Variants in BLOC1S3 observed in about 807,000 individuals in gnomAD.
BLOC1S3 encodes biogenesis of lysosomal organelles complex 1 subunit 3.
Under a neutral mutation model 9.1 loss-of-function variants are expected in BLOC1S3, and 7 were observed. The observed-to-expected ratio is 0.77, with a 90% CI of 0.44 to 1.45. The LOEUF is 1.45. Among genes scored for constraint, BLOC1S3 ranks in the 40% most tolerant of loss-of-function variants. BLOC1S3 has a pLI of 0.01. For synonymous variants in BLOC1S3, 145 were observed against 158.4 expected (o/e 0.92, Z 0.64); for missense variants, 307 against 315.2 (o/e 0.97, Z 0.20).
chr19:45,190,191 G>T (rs1853897224), intron 2 of BLOC1S3, among the ~76,000 whole-genome samples: 1 of 151,238 alleles, frequency 6.6e-6, no homozygotes, highest in Admixed American at 6.6e-5. Context: ...GCTGGTGAGA[G>T]ACTCTGATGC....
chr19:45,198,603 A>G (rs536715105), intron 2 of BLOC1S3, among the ~76,000 whole-genome samples: 10 of 151,728 alleles, frequency 6.6e-5, no homozygotes, highest in Admixed American at 4.6e-4. Flanking sequence ...CAACTTCATC[A>G]CTTTCAATAT....
Position 45,206,450 on chromosome 19 carries a change from G to GTTTTTTTTTT in BLOC1S3, n.282+3957_282+3966dup, listed in dbSNP as rs1054281226. 2.9e-4 allele frequency among the ~76,000 whole-genome samples: 16 copies of GTTTTTTTTTT among 55,144 alleles called. 5 individuals carry two copies. Among genetic ancestry groups the GTTTTTTTTTT allele is most frequent in the African/African-American group, 4.7e-4 (5 of 10,620 alleles). 36.2% of individuals were successfully genotyped at this position (55,144 alleles called of 152,430 possible). The stretch of plus-strand genomic sequence containing the variant: ...TTCCACCTTCTTTTGGATTAATCAA[G>GTTTTTTTTTT]TTTTTTTTTTTTTTTTTTTTTTTGA... On this transcript the variant is annotated intron_variant and non_coding_transcript_variant, in intron 3 of 3. Transcript: ENST00000591569.
intron 3 of BLOC1S3, among the ~76,000 whole-genome samples, chr19:45,209,047 T>C (rs1466500169): frequency 1.2e-5 from 1 of 84,280 alleles, no homozygotes; most frequent in East Asian, 6.7e-4. Flanking sequence ...ACAGTTTTGT[T>C]TTTTTTTTGT....
At chr19:45,213,152 G>T (rs376415591) in intron 3 of BLOC1S3, 13 of 1,590,206 alleles carry the variant, frequency 8.2e-6, no homozygotes, top group South Asian at 1.1e-5. Context: ...AGCCGGGAGA[G>T]GGGGAGGCGG....
Position 45,192,589 on chromosome 19 carries a change from TGGGTACTGCTGCTGATTA to T in BLOC1S3, n.180+4850_180+4867del, listed in dbSNP as rs1040884027. Among the ~76,000 whole-genome samples, 38 of 152,312 alleles carry T rather than the reference TGGGTACTGCTGCTGATTA, an allele frequency of 2.5e-4. 1 individual carries two copies. The East Asian group carries it at 7.3e-3, about 29-fold the overall frequency. ...CTCAAGGCCCACACGGAGTACTGCC[TGGGTACTGCTGCTGATTA>T]TTCAAGGGTCCTTTAGTCAGCAGGT... On this transcript the variant is annotated intron_variant and non_coding_transcript_variant, in intron 2 of 3. Coordinates refer to the BLOC1S3 transcript ENST00000591569.
At position 45,216,205 on chromosome 19, in the gene BLOC1S3, G is replaced by C. The variant is rs73568208; in HGVS notation, n.283-471G>C. 6.5e-3 allele frequency: 10,435 copies of C among 1,613,028 alleles called. 599 individuals carry two copies. In the African/African-American group the frequency reaches 0.12, roughly 19 times the overall value. On this transcript the variant is annotated intron_variant and non_coding_transcript_variant, in intron 3 of 3. Coordinates refer to the BLOC1S3 transcript ENST00000591569. ...CGAGGCCTGGGACTCCTGCAGGGGA[G>C]GGAGGGTGCGGGGTCACACCCTCCC...
chr19:45,186,977 A>G (rs907777457), upstream of BLOC1S3, among the ~76,000 whole-genome samples: 4 of 152,216 alleles, frequency 2.6e-5, no homozygotes, highest in African/African-American at 9.6e-5. Flanking sequence ...ACAGGCAGTC[A>G]GCAGGCAGTC....
At chr19:45,207,667 G>GC (rs1969738217) in intron 3 of BLOC1S3, among the ~76,000 whole-genome samples, 2 of 151,454 alleles carry the variant, frequency 1.3e-5, no homozygotes, top group South Asian at 4.2e-4. Flanking sequence ...AACCCAGGAG[G>GC]TGGAGGTTGC....
rs1448031490 is a variant in BLOC1S3 at position 45,180,060 on chromosome 19, T to G, written c.*155T>G. 3 of 786,632 alleles carry G rather than the reference T, an allele frequency of 3.8e-6. No individual in the cohort carries two copies. The highest frequency in any genetic ancestry group is 3.8e-5 in the South Asian group (2 of 52,560). The allele number at this position is 786,632 out of a possible 1,614,324, so 48.7% of individuals were successfully genotyped here. On this transcript the variant is annotated 3_prime_UTR_variant, in exon 2 of 2. Coordinates refer to ENST00000433642, the MANE Select transcript of BLOC1S3 (RefSeq NM_212550.5). Reference sequence around the variant, plus strand: ...TAATCCGGTCCCCTTGGATAATGCTTTATATTGGATATAGTTCAACCCCTA... The same window carrying G: ...TAATCCGGTCCCCTTGGATAATGCTGTATATTGGATATAGTTCAACCCCTA...
At chr19:45,200,301 C>T (rs1028089270) in intron 2 of BLOC1S3, among the ~76,000 whole-genome samples, 1 of 151,890 alleles carries the variant, frequency 6.6e-6, no homozygotes, top group Non-Finnish European at 1.5e-5. Context: ...CCTGCCTCAG[C>T]CTTCCGAGTA....
At position 45,181,285 on chromosome 19, in the gene BLOC1S3, G is replaced by C. The variant is rs1474938360; in HGVS notation, c.*1380G>C. On this transcript the variant is annotated 3_prime_UTR_variant, in exon 2 of 2. Transcript: ENST00000433642. ...TTCCTTCTGCAGGCCCAAAATGATG[G>C]CCCCTCTTAACCCAAGGCAGGGGAT... is the stretch of plus-strand genomic sequence containing the variant. The C allele has an allele frequency of 6.0e-6, 1 of 167,150 alleles. No homozygotes were observed. The highest frequency in any genetic ancestry group is 1.5e-5 in the Non-Finnish European group (1 of 68,228). 10.4% of individuals were successfully genotyped at this position (167,150 alleles called of 1,614,324 possible). A position where few individuals can be genotyped will look rare whatever the true frequency, so the allele number is the denominator to read the frequency against.
Position 45,208,372 on chromosome 19 carries a change from C to T in BLOC1S3, n.282+5865C>T, listed in dbSNP as rs570009380. 6.6e-5 allele frequency among the ~76,000 whole-genome samples: 10 copies of T among 151,930 alleles called. No individual in the cohort carries two copies. The East Asian group carries it at 1.7e-3, about 27-fold the overall frequency. ...CTGTAATCTCAGTACTTTGGGAGGC[C>T]GAGGTGGGTGGATCATTTGAAGTCA... On this transcript the variant is annotated intron_variant and non_coding_transcript_variant, in intron 3 of 3. Coordinates refer to the BLOC1S3 transcript ENST00000591569.
downstream of BLOC1S3, among the ~76,000 whole-genome samples, chr19:45,183,978 C>G (rs1046505108): frequency 1.3e-5 from 2 of 152,124 alleles, no homozygotes; most frequent in Non-Finnish European, 2.9e-5. Flanking sequence ...CCCTGAGGAG[C>G]TGAGCTGCCT....
chr19:45,216,119 T>C (rs996284393), intron 3 of BLOC1S3: 1 of 1,613,902 alleles, frequency 6.2e-7, no homozygotes, highest in Non-Finnish European at 8.5e-7. Context: ...TCCACCTGGA[T>C]GCTGGGCGTG....
At chr19:45,203,463 G>A (rs1453896193) in intron 3 of BLOC1S3, among the ~76,000 whole-genome samples, 2 of 152,088 alleles carry the variant, frequency 1.3e-5, no homozygotes, top group African/African-American at 2.4e-5. Flanking sequence ...TAGTAGAGAC[G>A]GGGTTTCACC....
At chr19:45,196,042 G>C (rs1040316144) in intron 2 of BLOC1S3, among the ~76,000 whole-genome samples, 4 of 152,176 alleles carry the variant, frequency 2.6e-5, no homozygotes, top group African/African-American at 9.6e-5. Context: ...TATTGTTTGT[G>C]ACTACATATG....
At chr19:45,197,347 T>G (rs1969656147) in intron 2 of BLOC1S3, among the ~76,000 whole-genome samples, 1 of 148,022 alleles carries the variant, frequency 6.8e-6, no homozygotes, top group Non-Finnish European at 1.5e-5. Context: ...ATTAGCTGGG[T>G]GTGGTGGCAG....
chr19:45,201,818 T>A (rs1467603806), intron 2 of BLOC1S3, among the ~76,000 whole-genome samples: 1 of 152,112 alleles, frequency 6.6e-6, no homozygotes, highest in African/African-American at 2.4e-5. Flanking sequence ...ATGGGGGCAG[T>A]TTCCCCCATA....
chr19:45,207,380 G>A (rs553779838), intron 3 of BLOC1S3, among the ~76,000 whole-genome samples: 1 of 146,990 alleles, frequency 6.8e-6, no homozygotes, highest in South Asian at 2.2e-4. Context: ...TGATCCACCC[G>A]CCTCGGCCTC....
Sources: allele counts gnomAD v4.1 joint callset (sites outside exome capture counted in the v4.1 genomes callset), GRCh38; gene constraint gnomAD v4.1.1; transcripts MANE v1.5; gene names NCBI Gene and HGNC (gene_info 2026-07-23, HGNC 2026-07-21).